Variants in KCNAB1 observed in about 807,000 individuals in gnomAD.
The protein encoded by KCNAB1 is voltage-gated potassium channel subunit beta-1.
Under a neutral mutation model 64.6 loss-of-function variants are expected in KCNAB1, and 35 were observed. The observed-to-expected ratio is 0.54, with a 90% CI of 0.41 to 0.72. The LOEUF (loss-of-function observed/expected upper bound fraction) is 0.72. KCNAB1 is among the 30% of genes least tolerant of loss of function. The pLI, the probability that KCNAB1 is intolerant of heterozygous loss-of-function variation, is 0.00. For missense variants in KCNAB1, 401 were observed against 512.9 expected (o/e 0.78, Z 2.11); for synonymous variants, 177 against 183.8 (o/e 0.96, Z 0.30).
intron 1 of KCNAB1, among the ~76,000 whole-genome samples, chr3:156,339,104 G>C (rs901970531): frequency 6.6e-6 from 1 of 152,098 alleles, no homozygotes; most frequent in Non-Finnish European, 1.5e-5. Context: ...CTCAGGGGTC[G>C]GGGTATGAAT....
intron 1 of KCNAB1, among the ~76,000 whole-genome samples, chr3:156,230,185 T>A (rs1716436890): frequency 6.6e-6 from 1 of 152,236 alleles, no homozygotes; most frequent in South Asian, 2.1e-4. Context: ...CATTTAACAA[T>A]ACAGTCATGT....
chr3:156,196,212 C>T (rs533995148), intron 1 of KCNAB1, among the ~76,000 whole-genome samples: 1 of 152,120 alleles, frequency 6.6e-6, no homozygotes, highest in South Asian at 2.1e-4. Flanking sequence ...GTTACGGTTG[C>T]CATGTAGTAT....
At chr3:156,214,843 G>A (rs528972721) in intron 1 of KCNAB1, among the ~76,000 whole-genome samples, 51 of 152,272 alleles carry the variant, frequency 3.3e-4, no homozygotes, top group African/African-American at 1.2e-3. Context: ...TTGTCACGAG[G>A]GGATAATGGG....
intron 3 of KCNAB1, chr3:156,453,280 T>A: frequency 5.7e-6 from 1 of 174,692 alleles, no homozygotes; most frequent in Non-Finnish European, 1.2e-5. Flanking sequence ...TTAGGATGAC[T>A]AATTGGTCTC....
At chr3:156,335,282 C>T (rs1276248695) in intron 1 of KCNAB1, among the ~76,000 whole-genome samples, 10 of 152,232 alleles carry the variant, frequency 6.6e-5, no homozygotes, top group Admixed American at 6.5e-4. Flanking sequence ...GCTTCCTCCT[C>T]CTGTGTGTTT....
rs386398329 is a variant in KCNAB1, at chr3:156,139,584, GT to G, written c.275+18724del. Among the ~76,000 whole-genome samples the G allele has an allele frequency of 8.6e-3, 473 of 55,216 alleles. 1 individual carries two copies. The highest frequency in any genetic ancestry group is 0.027 in the African/African-American group (351 of 13,198). 36.2% of individuals were successfully genotyped at this position (55,216 alleles called of 152,430 possible). A position where few individuals can be genotyped will look rare whatever the true frequency, so the allele number is the denominator to read the frequency against. ...TTTCTCCCTAACTCCATTGTACTGT[GT>G]TTTTTTTTTTTTTTTTTTTTTTTTT... On this transcript the variant is annotated intron_variant, in intron 1 of 13. Transcript: ENST00000490337.
At chr3:156,413,873 G>A (rs571402431) in intron 1 of KCNAB1, among the ~76,000 whole-genome samples, 36 of 152,228 alleles carry the variant, frequency 2.4e-4, no homozygotes, top group African/African-American at 6.7e-4. Flanking sequence ...AAATAATCTC[G>A]TACACAATAA....
chr3:156,343,694 A>G (rs1724289889), intron 1 of KCNAB1, among the ~76,000 whole-genome samples: 1 of 152,228 alleles, frequency 6.6e-6, no homozygotes, highest in South Asian at 2.1e-4. Flanking sequence ...TTTAGGCACC[A>G]GCATCTTTAG....
chr3:156,251,447 G>A (rs1291809986), intron 1 of KCNAB1, among the ~76,000 whole-genome samples: 1 of 152,154 alleles, frequency 6.6e-6, no homozygotes, highest in East Asian at 1.9e-4. Context: ...ACAAATATAT[G>A]ACAAGTGCTG....
At chr3:156,187,076 A>G (rs1713249169) in intron 1 of KCNAB1, among the ~76,000 whole-genome samples, 1 of 152,212 alleles carries the variant, frequency 6.6e-6, no homozygotes, top group South Asian at 2.1e-4. Context: ...CTGGTCTAGA[A>G]TTCCTGGGCT....
chr3:156,174,032 A>G (rs1712185949), intron 1 of KCNAB1, among the ~76,000 whole-genome samples: 1 of 152,118 alleles, frequency 6.6e-6, no homozygotes. Context: ...AACACCACCA[A>G]CTTTCCTGAG....
At chr3:156,524,546 G>T (rs1177871780) in intron 12 of KCNAB1, among the ~76,000 whole-genome samples, 2 of 152,018 alleles carry the variant, frequency 1.3e-5, no homozygotes, top group Non-Finnish European at 2.9e-5. Flanking sequence ...AGGAGATCGA[G>T]ACCATCCTGG....
rs181023775 is a variant in KCNAB1, at chr3:156,533,458, T to C, written c.1170+1961T>C. ...TAAGGCCAATGTGGTCAACACGTAG[T>C]TGAGCACAGGGACAGCAGATGCACT... is the stretch of plus-strand genomic sequence containing the variant. On this transcript the variant is annotated intron_variant, in intron 13 of 13. Coordinates refer to ENST00000490337, the MANE Select transcript of KCNAB1 (RefSeq NM_172160.3). Among the ~76,000 whole-genome samples the C allele has an allele frequency of 9.9e-5, 15 of 152,234 alleles. No individual in the cohort carries two copies. In the East Asian group the frequency reaches 2.7e-3, roughly 27 times the overall value.
intron 1 of KCNAB1, among the ~76,000 whole-genome samples, chr3:156,299,159 C>T (rs989084233): frequency 4.6e-5 from 7 of 152,346 alleles, no homozygotes; most frequent in Middle Eastern, 3.4e-3. Flanking sequence ...ATGCTCCTTT[C>T]GCTTCCACAT....
At chr3:156,312,021 T>C (rs1419049082) in intron 1 of KCNAB1, among the ~76,000 whole-genome samples, 1 of 152,242 alleles carries the variant, frequency 6.6e-6, no homozygotes, top group Non-Finnish European at 1.5e-5. Flanking sequence ...ATGTTACTTT[T>C]CGTTCTCCTG....
intron 1 of KCNAB1, among the ~76,000 whole-genome samples, chr3:156,308,568 T>G (rs1009728597): frequency 2.0e-5 from 3 of 152,224 alleles, no homozygotes; most frequent in Admixed American, 1.3e-4. Context: ...AATGATGCAG[T>G]TCTCTCACAT....
intron 1 of KCNAB1, among the ~76,000 whole-genome samples, chr3:156,369,733 T>C (rs371291133): frequency 5.9e-5 from 9 of 152,214 alleles, no homozygotes; most frequent in African/African-American, 2.2e-4. Context: ...TAGCCACATA[T>C]AAATGATGTA....
intron 1 of KCNAB1, among the ~76,000 whole-genome samples, chr3:156,395,145 A>T (rs907066970): frequency 6.6e-6 from 1 of 152,212 alleles, no homozygotes; most frequent in Non-Finnish European, 1.5e-5. Flanking sequence ...ACAAGTGCTC[A>T]CCATACATAG....
At chr3:156,270,540 G>A (rs183497652) in intron 1 of KCNAB1, among the ~76,000 whole-genome samples, 9 of 151,990 alleles carry the variant, frequency 5.9e-5, no homozygotes, top group Admixed American at 3.3e-4. Flanking sequence ...ATTTAACTTC[G>A]ATTGTATAAA....
Sources: allele counts gnomAD v4.1 joint callset (sites outside exome capture counted in the v4.1 genomes callset), GRCh38; gene constraint gnomAD v4.1.1; transcripts MANE v1.5; gene names NCBI Gene and HGNC (gene_info 2026-07-23, HGNC 2026-07-21).